FAT3: variants seen among roughly 807,000 people sequenced by gnomAD.
The protein encoded by FAT3 is protocadherin Fat 3.
A neutral mutation model predicts 310.2 loss-of-function variants in FAT3; 95 were observed. That is an observed-to-expected ratio of 0.31 (90% CI 0.26 to 0.36). The LOEUF (loss-of-function observed/expected upper bound fraction) is 0.36, where lower values mean the gene tolerates loss of function less well. Among genes scored for constraint, FAT3 ranks in the 10% least tolerant of loss-of-function variants. FAT3 has a pLI of 1.00. For synonymous variants in FAT3, 2,314 were observed against 2,192.9 expected (o/e 1.06, Z -1.54); for missense variants, 5,408 against 5,715.6 (o/e 0.95, Z 1.74).
intron 3 of FAT3, among the ~76,000 whole-genome samples, chr11:92,555,134 G>A (rs75135652): frequency 0.015 from 2,228 of 152,242 alleles, 63 homozygotes; most frequent in African/African-American, 0.051. Flanking sequence ...ACTAGTTGGT[G>A]CTTTCAATTG....
chr11:92,763,098 G>A (rs551955211), intron 5 of FAT3, among the ~76,000 whole-genome samples: 7 of 151,888 alleles, frequency 4.6e-5, no homozygotes, highest in Admixed American at 3.3e-4. Flanking sequence ...GGCAGAGGTT[G>A]CAGTGAGCCA....
intron 1 of FAT3, among the ~76,000 whole-genome samples, chr11:92,229,402 C>G (rs1436679543): frequency 6.6e-6 from 1 of 150,768 alleles, no homozygotes; most frequent in African/African-American, 2.4e-5. Context: ...ACAGGCTTCT[C>G]AAACTTACTG....
At chr11:92,271,427 T>C (rs1297461034) in intron 1 of FAT3, among the ~76,000 whole-genome samples, 1 of 152,132 alleles carries the variant, frequency 6.6e-6, no homozygotes, top group Non-Finnish European at 1.5e-5. Context: ...CCTTAGCTAA[T>C]GCTGTCCTTC....
intron 2 of FAT3, among the ~76,000 whole-genome samples, chr11:92,504,244 A>G (rs75637017): frequency 0.011 from 1,614 of 152,242 alleles, 30 homozygotes; most frequent in African/African-American, 0.037. Context: ...GGAGGTCAGT[A>G]CTCAGACCTG....
chr11:92,467,985 T>A (rs1033041623), intron 2 of FAT3, among the ~76,000 whole-genome samples: 1 of 152,208 alleles, frequency 6.6e-6, no homozygotes, highest in African/African-American at 2.4e-5. Context: ...AAGTCACATA[T>A]ATAACATATG....
At chr11:92,481,132 T>G (rs1026018804) in intron 2 of FAT3, among the ~76,000 whole-genome samples, 2 of 152,224 alleles carry the variant, frequency 1.3e-5, no homozygotes, top group African/African-American at 4.8e-5. Flanking sequence ...TTGTCCAATC[T>G]ATGTCTCATA....
intron 1 of FAT3, among the ~76,000 whole-genome samples, chr11:92,322,805 C>A (rs1947656566): frequency 1.3e-5 from 2 of 152,170 alleles, no homozygotes; most frequent in African/African-American, 4.8e-5. Flanking sequence ...GATTCTAGTT[C>A]TCTCGCTGTT....
At chr11:92,563,834 G>A (rs578053630) in intron 3 of FAT3, among the ~76,000 whole-genome samples, 1 of 152,160 alleles carries the variant, frequency 6.6e-6, no homozygotes, top group South Asian at 2.1e-4. Context: ...GACAAGCAAT[G>A]CTGAGAGATT....
At chr11:92,524,570 T>G in intron 2 of FAT3, 64 bp from the exon 3 acceptor site, 99 of 1,492,710 alleles carry the variant, frequency 6.6e-5, no homozygotes, top group Non-Finnish European at 8.2e-5. Context: ...CTTTGGAATT[T>G]GAGATTATTT....
At chr11:92,463,010 A>G (rs1278131004) in intron 2 of FAT3, among the ~76,000 whole-genome samples, 1 of 152,194 alleles carries the variant, frequency 6.6e-6, no homozygotes, top group Non-Finnish European at 1.5e-5. Context: ...TTGTGCAAAG[A>G]AACAAGATGC....
intron 25 of FAT3, among the ~76,000 whole-genome samples, chr11:92,888,936 C>A (rs537850490): frequency 4.7e-4 from 71 of 152,242 alleles, no homozygotes; most frequent in African/African-American, 1.7e-3. Flanking sequence ...GCAATCATGA[C>A]CTATCCTGCC....
intron 1 of FAT3, among the ~76,000 whole-genome samples, chr11:92,292,705 T>A (rs1946722202): frequency 6.6e-6 from 1 of 152,060 alleles, no homozygotes; most frequent in Non-Finnish European, 1.5e-5. Context: ...GAGAGAGGAT[T>A]GACATTTATT....
chr11:92,275,956 T>TTATGTGTGTGATACATATAAAG (rs1946256651), intron 1 of FAT3, among the ~76,000 whole-genome samples: 1 of 150,872 alleles, frequency 6.6e-6, no homozygotes, highest in Non-Finnish European at 1.5e-5. Context: ...TTGATCACGT[T>TTATGTGTGTGATACATATAAAG]TATGTGTGTG....
At chr11:92,510,036 C>G (rs1953241091) in intron 2 of FAT3, among the ~76,000 whole-genome samples, 1 of 152,064 alleles carries the variant, frequency 6.6e-6, no homozygotes, top group Non-Finnish European at 1.5e-5. Flanking sequence ...ATGTATCTAT[C>G]TCTGAAGCAA....
chr11:92,299,833 G>C (rs1488060715), intron 1 of FAT3, among the ~76,000 whole-genome samples: 1 of 152,076 alleles, frequency 6.6e-6, no homozygotes, highest in Non-Finnish European at 1.5e-5. Context: ...TTCACTAGTA[G>C]GTTAAGTTCA....
chr11:92,886,299 T>A (rs1452813961), intron 24 of FAT3, among the ~76,000 whole-genome samples: 1 of 151,986 alleles, frequency 6.6e-6, no homozygotes, highest in African/African-American at 2.4e-5. Flanking sequence ...TATTGCTTCC[T>A]TTAGTCCATC....
intron 1 of FAT3, among the ~76,000 whole-genome samples, chr11:92,264,874 T>C (rs551971880): frequency 6.6e-6 from 1 of 152,256 alleles, no homozygotes; most frequent in African/African-American, 2.4e-5. Context: ...AAGAATAACA[T>C]GTATTTATTT....
chr11:92,313,547 T>C (rs1321597036), intron 1 of FAT3, among the ~76,000 whole-genome samples: 1 of 152,152 alleles, frequency 6.6e-6, no homozygotes, highest in Non-Finnish European at 1.5e-5. Flanking sequence ...CTCAAACCCA[T>C]TTTTTGTTTT....
intron 2 of FAT3, among the ~76,000 whole-genome samples, chr11:92,394,286 T>C (rs1949811565): frequency 6.6e-6 from 1 of 152,108 alleles, no homozygotes; most frequent in African/African-American, 2.4e-5. Flanking sequence ...CTGGGCAACA[T>C]GGCAAAACCC....
Sources: gnomAD v4.1 joint callset for allele counts (sites outside exome capture counted in the v4.1 genomes callset) on GRCh38, gnomAD v4.1.1 for gene constraint, MANE v1.5 for transcripts, NCBI Gene and HGNC (gene_info 2026-07-23, HGNC 2026-07-21) for gene names.